Variants in SMURF1 observed in about 807,000 individuals in gnomAD.
SMURF1 encodes SMAD specific E3 ubiquitin protein ligase 1.
A neutral mutation model predicts 98.0 loss-of-function variants in SMURF1; 44 were observed. The ratio of observed to expected loss-of-function variants is 0.45; its 90% CI spans 0.35 to 0.58. SMURF1 has a LOEUF of 0.58. Among genes scored for constraint, SMURF1 ranks in the 20% least tolerant of loss-of-function variants. SMURF1 has a pLI of 0.00. For missense variants in SMURF1, 687 were observed against 938.4 expected (o/e 0.73, Z 3.50); for synonymous variants, 396 against 374.9 (o/e 1.06, Z -0.65).
At chr7:99,108,383 G>A (rs1584188386) in intron 1 of SMURF1, among the ~76,000 whole-genome samples, 3 of 151,966 alleles carry the variant, frequency 2.0e-5, no homozygotes, top group Admixed American at 2.0e-4. Flanking sequence ...GCCGAGGCGG[G>A]CAGATTACCT....
chr7:99,039,063 G>C (rs1272898983), intron 13 of SMURF1, among the ~76,000 whole-genome samples: 1 of 151,676 alleles, frequency 6.6e-6, no homozygotes, highest in East Asian at 2.0e-4. Flanking sequence ...TGTGGTGGCA[G>C]GCGCCTGTAG....
At chr7:99,119,524 T>C (rs1259253319) in intron 1 of SMURF1, among the ~76,000 whole-genome samples, 1 of 152,094 alleles carries the variant, frequency 6.6e-6, no homozygotes, top group Non-Finnish European at 1.5e-5. Flanking sequence ...GATATTGGAG[T>C]AATTTTAAAA....
At chr7:99,043,657 C>A (rs1795465891) in intron 11 of SMURF1, among the ~76,000 whole-genome samples, 1 of 152,210 alleles carries the variant, frequency 6.6e-6, no homozygotes, top group South Asian at 2.1e-4. Flanking sequence ...AAGTAAAATT[C>A]ATTCATTTGG....
chr7:99,047,783 A>G lies in SMURF1; in HGVS notation c.1053T>C (p.Asp351=). The change falls in exon 10 of 18, where the codon GAT becomes GAC. Residue 351 remains aspartate (D), a synonymous_variant. Transcript: ENST00000361368. ...EELPAQRYER[D]LVQKLKVLRH... is the part of the protein sequence containing the mutation. ...TGAGGACTTTCAGCTTCTGGACTAG[A>G]TCTCTTTCGTATCTCTGGGCAGGAA... 1.9e-6 allele frequency: 3 copies of G among 1,614,134 alleles called. No homozygotes were observed. The highest frequency in any genetic ancestry group is 2.5e-6 in the Non-Finnish European group (3 of 1,180,038).
At chr7:99,134,718 C>G (rs911409945) in intron 1 of SMURF1, among the ~76,000 whole-genome samples, 3 of 152,124 alleles carry the variant, frequency 2.0e-5, no homozygotes, top group Admixed American at 6.5e-5. Context: ...GAGCATTTTA[C>G]TCCTATTTTA....
chr7:99,033,190 C>G, intron 16 of SMURF1, 69 bp from the exon 17 acceptor site: 2 of 1,489,358 alleles, frequency 1.3e-6, no homozygotes, highest in Non-Finnish European at 1.8e-6. Context: ...CCACACAGCC[C>G]CCAGGAGCAG....
intron 1 of SMURF1, among the ~76,000 whole-genome samples, chr7:99,107,489 G>C (rs1482351247): frequency 6.6e-6 from 1 of 152,144 alleles, no homozygotes; most frequent in Non-Finnish European, 1.5e-5. Context: ...CTGACATTAA[G>C]ATATTTCTGA....
At chr7:99,074,018 A>G (rs560492127) in intron 1 of SMURF1, among the ~76,000 whole-genome samples, 6 of 152,350 alleles carry the variant, frequency 3.9e-5, no homozygotes, top group South Asian at 2.1e-4. Flanking sequence ...CTATACAGCA[A>G]TGAGAATGGC....
At chr7:99,126,517 G>T (rs12705026) in intron 1 of SMURF1, among the ~76,000 whole-genome samples, 1 of 151,858 alleles carries the variant, frequency 6.6e-6, no homozygotes, top group East Asian at 1.9e-4. Context: ...TCAGCCGGGC[G>T]TGGTGGCATG....
chr7:99,110,268 C>G (rs1478585192), intron 1 of SMURF1, among the ~76,000 whole-genome samples: 2 of 151,992 alleles, frequency 1.3e-5, no homozygotes, highest in East Asian at 3.8e-4. Flanking sequence ...GAAATAAAAC[C>G]ATATGAAGAA....
chr7:99,044,569 A>G (rs1795512066), intron 11 of SMURF1, among the ~76,000 whole-genome samples: 2 of 152,222 alleles, frequency 1.3e-5, no homozygotes, highest in Non-Finnish European at 2.9e-5. Context: ...TAAGAGGCAG[A>G]AGGAATGCTG....
At chr7:99,139,447 G>A (rs1344454819) in intron 1 of SMURF1, among the ~76,000 whole-genome samples, 1 of 152,116 alleles carries the variant, frequency 6.6e-6, no homozygotes, top group Non-Finnish European at 1.5e-5. Context: ...AAAAGTTTAG[G>A]CACTTGTATT....
intron 13 of SMURF1, among the ~76,000 whole-genome samples, 154 bp from the exon 14 acceptor site, chr7:99,038,679 A>C (rs1488889566): frequency 6.6e-6 from 1 of 152,194 alleles, no homozygotes; most frequent in African/African-American, 2.4e-5. Flanking sequence ...GCACAGCAAC[A>C]GGTGCTGGAG....
intron 1 of SMURF1, among the ~76,000 whole-genome samples, chr7:99,117,904 A>G (rs781120404): frequency 3.3e-5 from 5 of 151,798 alleles, no homozygotes; most frequent in Non-Finnish European, 5.9e-5. Context: ...ACATGCTGAA[A>G]CCTGTCTCTA....
At chr7:99,083,823 T>C (rs569595798) in intron 1 of SMURF1, among the ~76,000 whole-genome samples, 2 of 152,320 alleles carry the variant, frequency 1.3e-5, no homozygotes, top group Admixed American at 6.5e-5. Flanking sequence ...CATGGAAATG[T>C]TTACTTTTGG....
At chr7:99,081,499 T>C (rs1399559805) in intron 1 of SMURF1, 1 of 152,210 alleles carries the variant, frequency 6.6e-6, no homozygotes, top group African/African-American at 2.4e-5. Flanking sequence ...TGCCTAGAGA[T>C]AGAACTGCCA....
At chr7:99,077,274 G>T (rs1796483026) in intron 1 of SMURF1, among the ~76,000 whole-genome samples, 1 of 151,074 alleles carries the variant, frequency 6.6e-6, no homozygotes. Context: ...CTTTAAAAAA[G>T]GATTAAACTG....
At chr7:99,137,969 C>G (rs1798032281) in intron 1 of SMURF1, among the ~76,000 whole-genome samples, 1 of 152,154 alleles carries the variant, frequency 6.6e-6, no homozygotes, top group Non-Finnish European at 1.5e-5. Context: ...CCATGGCTTT[C>G]CTTTAACTAG....
chr7:99,041,367 A>T (rs926137894), intron 12 of SMURF1, among the ~76,000 whole-genome samples: 1 of 152,082 alleles, frequency 6.6e-6, no homozygotes, highest in Non-Finnish European at 1.5e-5. Context: ...ATGCCACTGC[A>T]CTCCAGCCTG....
Sources: gnomAD v4.1 joint callset for allele counts (sites outside exome capture counted in the v4.1 genomes callset) on GRCh38, gnomAD v4.1.1 for gene constraint, MANE v1.5 for transcripts, NCBI Gene and HGNC (gene_info 2026-07-23, HGNC 2026-07-21) for gene names.